Variants in WNK1 observed in about 807,000 individuals in gnomAD.
WNK1 encodes WNK lysine deficient protein kinase 1.
Under a neutral mutation model 222.8 loss-of-function variants are expected in WNK1, and 38 were observed. The observed-to-expected ratio is 0.17, with a 90% CI of 0.13 to 0.22. The LOEUF (loss-of-function observed/expected upper bound fraction) is 0.22. Ranked by LOEUF, WNK1 falls within the 10% of genes least tolerant of loss-of-function variation. WNK1 has a pLI of 1.00. For synonymous variants in WNK1, 1,090 were observed against 1,092.9 expected (o/e 1.00, Z 0.05); for missense variants, 2,348 against 2,918.4 (o/e 0.80, Z 4.50).
intron 1 of WNK1, among the ~76,000 whole-genome samples, chr12:767,236 T>TG (rs1941849131): frequency 1.4e-4 from 1 of 7,212 alleles, no homozygotes. Context: ...GTTGATAGGT[T>TG]TTTTTTTTTT....
intron 25 of WNK1, among the ~76,000 whole-genome samples, chr12:899,525 C>T (rs1232480111): frequency 2.6e-5 from 4 of 152,100 alleles, no homozygotes; most frequent in African/African-American, 7.2e-5. Flanking sequence ...TCAGGTGATC[C>T]GCCCGCCTCA....
At position 879,968 on chromosome 12, in the gene WNK1, A is replaced by C. The variant is rs200224812; in HGVS notation, c.2769A>C (p.Gly923=). ...TACAACCAGCAGTTCAGTCCATGGGAATACCAGCTAACCTTGGACAAGCTG... is the reference window on the plus strand; with the variant it reads ...TACAACCAGCAGTTCAGTCCATGGGCATACCAGCTAACCTTGGACAAGCTG... ...QLLQPAVQSM[G]IPANLGQAAE... The change falls in exon 11 of 28, where the codon GGA becomes GGC. Residue 923 remains glycine (G), a synonymous_variant. Transcript: ENST00000315939. 1 of 1,614,172 alleles carries C rather than the reference A, an allele frequency of 6.2e-7. No individual in the cohort carries two copies. Among genetic ancestry groups the C allele is most frequent in the South Asian group, 1.1e-5 (1 of 91,074 alleles).
At chr12:812,097 A>G (rs1276659911) in intron 1 of WNK1, among the ~76,000 whole-genome samples, 1 of 152,174 alleles carries the variant, frequency 6.6e-6, no homozygotes, top group African/African-American at 2.4e-5. Flanking sequence ...TTTGCTATAA[A>G]TAAGTAGTTG....
chr12:811,063 A>T (rs1227073474), intron 1 of WNK1, among the ~76,000 whole-genome samples: 1 of 152,164 alleles, frequency 6.6e-6, no homozygotes, highest in African/African-American at 2.4e-5. Context: ...TGCAATTGGG[A>T]TAGTATAGTA....
At chr12:845,880 A>G (rs924527000) in intron 4 of WNK1, among the ~76,000 whole-genome samples, 1 of 152,214 alleles carries the variant, frequency 6.6e-6, no homozygotes, top group Non-Finnish European at 1.5e-5. Flanking sequence ...ATTTATTTGT[A>G]ATCTTGTCGA....
rs78184465 is a variant in WNK1, at chr12:775,287, C to T, written c.759+20963C>T. Among the ~76,000 whole-genome samples the T allele has an allele frequency of 4.2e-3, 645 of 152,254 alleles. 5 individuals carry two copies. The highest frequency in any genetic ancestry group is 0.015 in the African/African-American group (606 of 41,536). ...TAGTAGAGAGTAAATTAAGACATTA[C>T]TGAATACAATGAGATAAATGGCTTA... On this transcript the variant is annotated intron_variant, in intron 1 of 27. Transcript: ENST00000315939.
chr12:856,020 A>G (rs571182497), intron 4 of WNK1, among the ~76,000 whole-genome samples: 6 of 151,612 alleles, frequency 4.0e-5, no homozygotes, highest in Non-Finnish European at 8.8e-5. Flanking sequence ...TTGTATTTTT[A>G]GTAGAGACGG....
At chr12:778,079 T>C (rs1943302571) in intron 1 of WNK1, among the ~76,000 whole-genome samples, 1 of 152,220 alleles carries the variant, frequency 6.6e-6, no homozygotes, top group Admixed American at 6.5e-5. Context: ...TATTCTCACC[T>C]AAAAGGGCTC....
At chr12:881,300 G>A (rs1953136200) in intron 12 of WNK1, among the ~76,000 whole-genome samples, 1 of 152,180 alleles carries the variant, frequency 6.6e-6, no homozygotes, top group African/African-American at 2.4e-5. Flanking sequence ...TCCATTGGCA[G>A]TCATAAGAGT....
chr12:891,877 A>G (rs1196395900), intron 22 of WNK1, among the ~76,000 whole-genome samples: 1 of 151,718 alleles, frequency 6.6e-6, no homozygotes, highest in African/African-American at 2.4e-5. Flanking sequence ...ACAGTGAGCT[A>G]TGGTTTTGCC....
chr12:794,539 C>G (rs867633995), intron 1 of WNK1, among the ~76,000 whole-genome samples: 33 of 148,218 alleles, frequency 2.2e-4, no homozygotes, highest in Non-Finnish European at 1.0e-4. Context: ...TGTTGGACTT[C>G]GGTGCTTTTT....
At chr12:846,106 G>GT (rs1950006714) in intron 4 of WNK1, among the ~76,000 whole-genome samples, 1 of 151,828 alleles carries the variant, frequency 6.6e-6, no homozygotes, top group African/African-American at 2.4e-5. Flanking sequence ...TTTTTGTTTT[G>GT]TTTTTAACCT....
intron 8 of WNK1, chr12:868,320 A>G (rs774145365): frequency 1.9e-6 from 3 of 1,612,924 alleles, no homozygotes; most frequent in South Asian, 1.1e-5. Flanking sequence ...GCAGAACAGT[A>G]TGAGGGCATT....
At chr12:883,622 T>C in intron 16 of WNK1, 54 bp downstream of exon 16, 1 of 1,611,746 alleles carries the variant, frequency 6.2e-7, no homozygotes, top group Non-Finnish European at 8.5e-7. Flanking sequence ...ATTTTCATAG[T>C]TCTAAATTTG....
Position 878,266 on chromosome 12 carries a change from T to C in WNK1, c.2278T>C (p.Ser760Pro). The C allele has an allele frequency of 6.2e-7, 1 of 1,614,126 alleles. No homozygotes were observed. Among genetic ancestry groups the C allele is most frequent in the South Asian group, 1.1e-5 (1 of 91,072 alleles). ...PPQQTVQYSL[S>P]QTSTSSEATT... ...TCAACAGACAGTGCAGTATTCACTT[T>C]CACAGACATCAACCTCCAGTGAGGC... Residue 760 changes from serine (S) to proline (P), a missense_variant, in exon 10 of 28, where the codon TCA (serine) becomes CCA (proline). Around this residue, in one of 13 missense-constraint regions of WNK1, gnomAD observed 547 missense variants for 558.3 expected, o/e 0.98. Transcript: ENST00000315939.
intron 4 of WNK1, among the ~76,000 whole-genome samples, chr12:848,190 G>A (rs1950163615): frequency 6.6e-6 from 1 of 152,130 alleles, no homozygotes; most frequent in South Asian, 2.1e-4. Flanking sequence ...GTTTATTCTA[G>A]ATCTGTGATC....
intron 4 of WNK1, chr12:851,620 T>C (rs1950425181): frequency 2.4e-6 from 3 of 1,272,190 alleles, no homozygotes; most frequent in African/African-American, 1.5e-5. Flanking sequence ...TTCCTTATGC[T>C]GTGGGCTGAT....
chr12:808,482 T>C (rs1264541813), intron 1 of WNK1, among the ~76,000 whole-genome samples: 1 of 151,898 alleles, frequency 6.6e-6, no homozygotes, highest in Non-Finnish European at 1.5e-5. Context: ...TAAGCCATTT[T>C]CTAATAGAAC....
Position 885,794 on chromosome 12 carries a change from A to G in WNK1, c.4990A>G (p.Ser1664Gly). Residue 1664 changes from serine to glycine, a missense_variant, in exon 19 of 28, where the codon AGT (serine) becomes GGT (glycine). By Grantham distance (56) the Ser-to-Gly change is moderately conservative (BLOSUM62 0). This residue lies in a region of WNK1 where 1,144 missense variants were observed against 1,273.6 expected (regional missense o/e 0.90). Coordinates refer to ENST00000315939, the MANE Select transcript of WNK1 (RefSeq NM_018979.4). ...TLEEKLRSLF[S>G]EHSSSGAQHA... is the part of the protein sequence containing the mutation. The stretch of plus-strand genomic sequence containing the variant: ...AGAAGAAAAGCTGCGGTCTCTGTTC[A>G]GTGAACACAGCTCATCTGGAGCTCA... The G allele has an allele frequency of 6.2e-7, 1 of 1,614,234 alleles. No homozygotes were observed. Among genetic ancestry groups the G allele is most frequent in the Non-Finnish European group, 8.5e-7 (1 of 1,180,042 alleles).
Sources: allele counts gnomAD v4.1 joint callset (sites outside exome capture counted in the v4.1 genomes callset), GRCh38; gene constraint gnomAD v4.1.1; regional missense constraint gnomAD v4.1.1; transcripts MANE v1.5; gene names NCBI Gene and HGNC (gene_info 2026-07-23, HGNC 2026-07-21).